HS6ST3: variants seen among roughly 807,000 people sequenced by gnomAD.
The protein encoded by HS6ST3 is heparan sulfate 6-O-sulfotransferase 3.
In HS6ST3, 12 loss-of-function variants were observed where a neutral mutation model predicts 36.7. The ratio of observed to expected loss-of-function variants is 0.33; its 90% CI spans 0.21 to 0.53. HS6ST3 has a LOEUF of 0.53. HS6ST3 is among the 20% of genes least tolerant of loss of function. HS6ST3 has a pLI of 0.95. For missense variants in HS6ST3, 584 were observed against 640.9 expected, an observed-to-expected ratio of 0.91 and a Z score of 0.96; for synonymous variants, 240 against 257.5, an observed-to-expected ratio of 0.93 and a Z score of 0.65.
chr13:96,200,492 A>G (rs1039899151), intron 1 of HS6ST3, among the ~76,000 whole-genome samples: 2 of 152,146 alleles, frequency 1.3e-5, no homozygotes, highest in East Asian at 3.9e-4. Context: ...TTGCACTCTT[A>G]TAAAGCATAC....
intron 1 of HS6ST3, among the ~76,000 whole-genome samples, chr13:96,818,801 T>C (rs1878474518): frequency 6.6e-6 from 1 of 152,230 alleles, no homozygotes; most frequent in Non-Finnish European, 1.5e-5. Flanking sequence ...TTCTTGGTCT[T>C]TTCTTGATAT....
intron 1 of HS6ST3, among the ~76,000 whole-genome samples, chr13:96,145,867 C>T (rs2054055529): frequency 6.6e-6 from 1 of 152,192 alleles, no homozygotes. Flanking sequence ...CAGCTTTCTA[C>T]ATATGGCTAG....
At chr13:96,514,317 T>C (rs1189799313) in intron 1 of HS6ST3, among the ~76,000 whole-genome samples, 1 of 152,156 alleles carries the variant, frequency 6.6e-6, no homozygotes, top group Non-Finnish European at 1.5e-5. Flanking sequence ...ATTAATTCAA[T>C]GTGAGATATA....
chr13:96,572,285 C>A (rs140528771), intron 1 of HS6ST3, among the ~76,000 whole-genome samples: 6 of 152,264 alleles, frequency 3.9e-5, no homozygotes, highest in African/African-American at 1.4e-4. Context: ...ATAGTAGGAA[C>A]AGCATTATTG....
chr13:96,634,202 A>T (rs1275643174), intron 1 of HS6ST3, among the ~76,000 whole-genome samples: 2 of 152,230 alleles, frequency 1.3e-5, no homozygotes, highest in Non-Finnish European at 2.9e-5. Context: ...ATCTTTTGTC[A>T]TAGCAGCCGA....
intron 1 of HS6ST3, among the ~76,000 whole-genome samples, chr13:96,319,319 T>C (rs1423656398): frequency 6.6e-6 from 1 of 152,230 alleles, no homozygotes; most frequent in Non-Finnish European, 1.5e-5. Context: ...TGCTCTAGCT[T>C]ATAACGGCAC....
chr13:96,112,578 A>AATATACATGTATATAT (rs397773858), intron 1 of HS6ST3, among the ~76,000 whole-genome samples: 1 of 81,224 alleles, frequency 1.2e-5, no homozygotes, highest in Non-Finnish European at 2.3e-5. Flanking sequence ...AAAATAAATA[A>AATATACATGTATATAT]ATATATATAT....
chr13:96,617,802 G>T (rs933389182), intron 1 of HS6ST3, among the ~76,000 whole-genome samples: 1 of 152,150 alleles, frequency 6.6e-6, no homozygotes, highest in Non-Finnish European at 1.5e-5. Flanking sequence ...TGGAGGTGGA[G>T]CCCAGATATC....
chr13:96,625,903 C>T (rs1363103091), intron 1 of HS6ST3, among the ~76,000 whole-genome samples: 3 of 151,602 alleles, frequency 2.0e-5, no homozygotes, highest in Non-Finnish European at 4.4e-5. Context: ...TCCAGTGGCG[C>T]GATCTCGGCT....
chr13:96,137,130 G>A (rs1566891011), intron 1 of HS6ST3, among the ~76,000 whole-genome samples: 2 of 151,678 alleles, frequency 1.3e-5, no homozygotes, highest in Admixed American at 6.6e-5. Flanking sequence ...GTTCTTTCAT[G>A]CCCCCTTTTA....
At chr13:96,390,399 G>T (rs2055389766) in intron 1 of HS6ST3, among the ~76,000 whole-genome samples, 1 of 152,102 alleles carries the variant, frequency 6.6e-6, no homozygotes, top group South Asian at 2.1e-4. Context: ...AGACCTCTGA[G>T]TGCTGCTTTG....
intron 1 of HS6ST3, among the ~76,000 whole-genome samples, chr13:96,586,299 T>C (rs575251): frequency 0.84 from 128,287 of 151,844 alleles, 54,537 homozygotes; most frequent in South Asian, 0.91. Context: ...GGTATTTCAA[T>C]GTCTTTTTTT....
At chr13:96,301,368 G>T (rs1027506037) in intron 1 of HS6ST3, among the ~76,000 whole-genome samples, 4 of 152,128 alleles carry the variant, frequency 2.6e-5, no homozygotes, top group Non-Finnish European at 5.9e-5. Flanking sequence ...AGATGAACTA[G>T]GAACATTCTT....
chr13:96,722,957 A>C (rs1875886466), intron 1 of HS6ST3, among the ~76,000 whole-genome samples: 1 of 130,462 alleles, frequency 7.7e-6, no homozygotes, highest in South Asian at 2.2e-4. Context: ...AGCCTGGTCA[A>C]TAGAGCAAGA....
At chr13:96,682,720 G>A (rs1485189222) in intron 1 of HS6ST3, among the ~76,000 whole-genome samples, 1 of 152,090 alleles carries the variant, frequency 6.6e-6, no homozygotes. Flanking sequence ...AGAAGCTCTT[G>A]TATTGATATT....
At chr13:96,828,439 C>T (rs1163038399) in intron 1 of HS6ST3, among the ~76,000 whole-genome samples, 1 of 151,790 alleles carries the variant, frequency 6.6e-6, no homozygotes, top group Admixed American at 6.6e-5. Flanking sequence ...TTCAGTTTAG[C>T]TTGGACAAGT....
intron 1 of HS6ST3, among the ~76,000 whole-genome samples, chr13:96,831,970 A>AAAAAAAAAAAC (rs1878801580): frequency 1.4e-5 from 2 of 148,118 alleles, no homozygotes; most frequent in African/African-American, 5.0e-5. Context: ...AAAAAAAAAA[A>AAAAAAAAAAAC]AAAAAAAAAA....
intron 1 of HS6ST3, among the ~76,000 whole-genome samples, chr13:96,669,307 T>G (rs1439124209): frequency 6.6e-6 from 1 of 152,156 alleles, no homozygotes; most frequent in African/African-American, 2.4e-5. Context: ...TAGTGCACTG[T>G]GCAACTGTAA....
intron 1 of HS6ST3, among the ~76,000 whole-genome samples, chr13:96,468,422 A>G (rs2055824486): frequency 6.6e-6 from 1 of 151,476 alleles, no homozygotes; most frequent in Non-Finnish European, 1.5e-5. Context: ...ATTTAATTGA[A>G]TTACTTTGTG....
Sources: gnomAD v4.1 joint callset for allele counts (sites outside exome capture counted in the v4.1 genomes callset) on GRCh38, gnomAD v4.1.1 for gene constraint, MANE v1.5 for transcripts, NCBI Gene and HGNC (gene_info 2026-07-23, HGNC 2026-07-21) for gene names.